Variants in NFATC2 observed in about 807,000 individuals in gnomAD.
NFATC2 encodes nuclear factor of activated T-cells, cytoplasmic 2.
A neutral mutation model predicts 87.3 loss-of-function variants in NFATC2; 22 were observed. That is an observed-to-expected ratio of 0.25 (90% CI 0.18 to 0.36). The LOEUF (loss-of-function observed/expected upper bound fraction) is 0.36. Among genes scored for constraint, NFATC2 ranks in the 10% least tolerant of loss-of-function variants. The probability of loss-of-function intolerance (pLI) is 1.00; values close to 1 mark genes in which losing one functional copy is unlikely to be tolerated. For missense variants in NFATC2, 1,149 were observed against 1,259.1 expected, an observed-to-expected ratio of 0.91 and a Z score of 1.32; for synonymous variants, 565 against 542.2, an observed-to-expected ratio of 1.04 and a Z score of -0.58.
At position 51,554,455 on chromosome 20, in the gene NFATC2, G is replaced by A. The variant is rs150818471; in HGVS notation, c.70+8105C>T. Among the ~76,000 whole-genome samples the A allele has an allele frequency of 2.8e-3, 422 of 152,292 alleles. 4 individuals are homozygous for A. The highest frequency in any genetic ancestry group is 9.9e-3 in the African/African-American group (411 of 41,558). On this transcript the variant is annotated intron_variant, in intron 1 of 10. Transcript: ENST00000414705. ...CTACAGAAAAGACCCCAGAGGCTTG[G>A]TAGAAAGTGGATTTGTCCCTACAGG...
At position 51,388,527 on chromosome 20, in the gene NFATC2, G is replaced by A. The variant is rs1475543540; in HGVS notation, c.*2969C>T. Reference sequence around the variant, plus strand: ...TTAAGAAAAAAAAATCAACCTATGTGTAAAAAGAGACACTTAAAAAGATTT... The same window carrying A: ...TTAAGAAAAAAAAATCAACCTATGTATAAAAAGAGACACTTAAAAAGATTT... On this transcript the variant is annotated 3_prime_UTR_variant, in exon 11 of 11. Transcript: ENST00000371564. 5 of 151,806 alleles carry A rather than the reference G, an allele frequency of 3.3e-5. No homozygotes were observed. The highest frequency in any genetic ancestry group is 7.4e-5 in the Non-Finnish European group (5 of 67,994). The allele number at this position is 151,806 out of a possible 1,614,324, so 9.4% of individuals were successfully genotyped here.
intron 3 of NFATC2, among the ~76,000 whole-genome samples, chr20:51,495,427 A>G (rs573974328): frequency 1.3e-5 from 2 of 152,342 alleles, no homozygotes; most frequent in Admixed American, 1.3e-4. Flanking sequence ...GTGACCGCAT[A>G]TTCACCTCAA....
chr20:51,483,303 CCAAA>C (rs774580557), intron 3 of NFATC2, among the ~76,000 whole-genome samples: 7 of 151,920 alleles, frequency 4.6e-5, no homozygotes, highest in South Asian at 2.1e-4. Flanking sequence ...TGGCAACGGG[CCAAA>C]CAGTTTTGAA....
chr20:51,540,554 A>G (rs112674924), intron 1 of NFATC2, among the ~76,000 whole-genome samples: 33 of 152,210 alleles, frequency 2.2e-4, no homozygotes, highest in Non-Finnish European at 3.5e-4. Context: ...TAAAACATTA[A>G]TAACACGGGG....
intron 5 of NFATC2, among the ~76,000 whole-genome samples, chr20:51,466,477 G>A (rs1222321338): frequency 8.0e-5 from 12 of 150,166 alleles, no homozygotes; most frequent in Admixed American, 1.3e-4. Flanking sequence ...CATCGGGGTC[G>A]TAGGTTGTCT....
At chr20:51,445,230 C>T (rs6021208) in intron 6 of NFATC2, among the ~76,000 whole-genome samples, 2,236 of 152,262 alleles carry the variant, frequency 0.015, 64 homozygotes, top group African/African-American at 0.052. Flanking sequence ...TGGGCTCTCA[C>T]TCTCACGACG....
At chr20:51,458,453 A>G (rs1469471610) in intron 5 of NFATC2, among the ~76,000 whole-genome samples, 1 of 151,702 alleles carries the variant, frequency 6.6e-6, no homozygotes, top group Admixed American at 6.6e-5. Flanking sequence ...AGAGATTCTG[A>G]CTTAAATGGT....
chr20:51,513,766 A>C (rs2076308343), intron 3 of NFATC2, among the ~76,000 whole-genome samples: 1 of 152,246 alleles, frequency 6.6e-6, no homozygotes, highest in South Asian at 2.1e-4. Context: ...CTCCCTGAGA[A>C]TCAGGATTTA....
upstream of NFATC2, among the ~76,000 whole-genome samples, chr20:51,544,049 G>A (rs1011650448): frequency 1.7e-4 from 24 of 143,492 alleles, no homozygotes; most frequent in African/African-American, 4.8e-4. Flanking sequence ...GTGCAGTGGC[G>A]CGATCTTGGC....
intron 5 of NFATC2, among the ~76,000 whole-genome samples, chr20:51,455,425 G>C (rs546826734): frequency 1.3e-5 from 2 of 151,792 alleles, no homozygotes; most frequent in East Asian, 3.9e-4. Context: ...CCTCCTCTGG[G>C]AGGCTTCTTT....
chr20:51,484,333 C>T (rs1169694563), intron 3 of NFATC2, among the ~76,000 whole-genome samples: 2 of 152,278 alleles, frequency 1.3e-5, no homozygotes, highest in South Asian at 4.1e-4. Flanking sequence ...TGACACCCCA[C>T]GCCCTTCCCA....
At chr20:51,560,536 C>T (rs1481951273) in intron 1 of NFATC2, among the ~76,000 whole-genome samples, 1 of 152,130 alleles carries the variant, frequency 6.6e-6, no homozygotes, top group Admixed American at 6.5e-5. Flanking sequence ...ATTTAACGAC[C>T]CCACCCATTG....
upstream of NFATC2, among the ~76,000 whole-genome samples, chr20:51,545,056 C>T (rs2146818109): frequency 6.6e-6 from 1 of 152,296 alleles, no homozygotes; most frequent in Non-Finnish European, 1.5e-5. Context: ...AGCTAGGATA[C>T]TTATAGACAG....
chr20:51,485,459 G>T (rs976719571), intron 3 of NFATC2, among the ~76,000 whole-genome samples: 1 of 152,160 alleles, frequency 6.6e-6, no homozygotes, highest in Non-Finnish European at 1.5e-5. Flanking sequence ...ATAGGAGCTG[G>T]GTCTGGAAGT....
At chr20:51,475,149 A>G (rs1988599881) in intron 4 of NFATC2, among the ~76,000 whole-genome samples, 1 of 151,808 alleles carries the variant, frequency 6.6e-6, no homozygotes, top group Admixed American at 6.6e-5. Flanking sequence ...TTGTATGTTT[A>G]ATAGAGATGG....
intron 6 of NFATC2, among the ~76,000 whole-genome samples, chr20:51,454,100 T>C (rs1986130654): frequency 6.6e-6 from 1 of 152,166 alleles, no homozygotes; most frequent in Non-Finnish European, 1.5e-5. Context: ...GACAACTTTA[T>C]GGGGTAAGAA....
At chr20:51,402,321 C>T (rs1002487251) in intron 9 of NFATC2, among the ~76,000 whole-genome samples, 9 of 152,188 alleles carry the variant, frequency 5.9e-5, no homozygotes, top group Admixed American at 2.6e-4. Flanking sequence ...AGCAACCACA[C>T]GGCTTCTAAA....
At chr20:51,533,296 G>A (rs888575510) in intron 1 of NFATC2, among the ~76,000 whole-genome samples, 7 of 152,198 alleles carry the variant, frequency 4.6e-5, no homozygotes, top group African/African-American at 1.4e-4. Context: ...GCAATGGGTT[G>A]CCTCCAAATA....
chr20:51,391,293 G>T lies in NFATC2; in HGVS notation c.*203C>A. ...GTGCCCATACATTGATCCGCGTGTG[G>T]ACTCCGGGCTGGGAGATGAACATGA... On this transcript the variant is annotated 3_prime_UTR_variant, in exon 11 of 11. Coordinates refer to ENST00000371564, the MANE Select transcript of NFATC2 (RefSeq NM_012340.5). 8.0e-7 allele frequency: 1 copy of T among 1,251,594 alleles called. No homozygotes were observed. The highest frequency in any genetic ancestry group is 1.2e-6 in the Non-Finnish European group (1 of 850,294). 77.5% of individuals were successfully genotyped at this position (1,251,594 alleles called of 1,614,324 possible). A position where few individuals can be genotyped will look rare whatever the true frequency, so the allele number is the denominator to read the frequency against.
Sources: gnomAD v4.1 joint callset for allele counts (sites outside exome capture counted in the v4.1 genomes callset) on GRCh38, gnomAD v4.1.1 for gene constraint, MANE v1.5 for transcripts, NCBI Gene and HGNC (gene_info 2026-07-23, HGNC 2026-07-21) for gene names.